The following STX3 variants were observed in gnomAD, a reference collection of about 807,000 sequenced individuals.
STX3 encodes syntaxin-3.
A neutral mutation model predicts 40.2 loss-of-function variants in STX3; 19 were observed. That is an observed-to-expected ratio of 0.47 (90% CI 0.33 to 0.69). The LOEUF (loss-of-function observed/expected upper bound fraction) is 0.69. Among genes scored for constraint, STX3 ranks in the 30% least tolerant of loss-of-function variants. STX3 has a pLI of 0.02. For missense variants in STX3, 364 were observed against 366.7 expected, an observed-to-expected ratio of 0.99 and a Z score of 0.06; for synonymous variants, 122 against 132.2, an observed-to-expected ratio of 0.92 and a Z score of 0.53.
chr11:59,798,757 ACCCGC>A (rs1259004146), intron 10 of STX3, among the ~76,000 whole-genome samples: 1 of 145,766 alleles, frequency 6.9e-6, no homozygotes. Flanking sequence ...CAGGTGATCC[ACCCGC>A]CTCGGCCTCC....
chr11:59,801,419 A>G lies in STX3; in HGVS notation c.*595A>G, dbSNP rs1865882664. On this transcript the variant is annotated 3_prime_UTR_variant, in exon 11 of 11. Transcript: ENST00000337979. ...CTTGTTTGAAATTCAGCCTTAAATT[A>G]AGCTCTTAGTTGTTCAGCTTGGGGG... is the stretch of plus-strand genomic sequence containing the variant. 2.0e-5 allele frequency: 20 copies of G among 987,108 alleles called. No individual in the cohort carries two copies. The highest frequency in any genetic ancestry group is 2.4e-5 in the Non-Finnish European group (20 of 830,974). The allele number at this position is 987,108 out of a possible 1,614,324, so 61.1% of individuals were successfully genotyped here.
chr11:59,765,561 T>C (rs919846453), intron 1 of STX3, among the ~76,000 whole-genome samples: 5 of 152,116 alleles, frequency 3.3e-5, no homozygotes, highest in African/African-American at 1.2e-4. Context: ...CCCAGCACTT[T>C]GGGAGACCGA....
intron 1 of STX3, among the ~76,000 whole-genome samples, 165 bp downstream of exon 1, chr11:59,755,800 C>G (rs1022168838): frequency 6.6e-6 from 1 of 152,248 alleles, no homozygotes; most frequent in Non-Finnish European, 1.5e-5. Flanking sequence ...CCTCCCCTCC[C>G]CTGCGGGGTC....
At position 59,803,371 on chromosome 11, in the gene STX3, A is replaced by T; in HGVS notation, c.*2547A>T. 1 of 991,024 alleles carries T rather than the reference A, an allele frequency of 1.0e-6. No homozygotes were observed. The highest frequency in any genetic ancestry group is 3.3e-5 in the East Asian group (1 of 30,590). The allele number at this position is 991,024 out of a possible 1,614,324, so 61.4% of individuals were successfully genotyped here. ...AACCTTTGTGTCTTGGGGGCACTCT[A>T]GGTGCCTTAATCTGGGTGGGATTAG... On this transcript the variant is annotated 3_prime_UTR_variant, in exon 11 of 11. Coordinates refer to ENST00000337979, the MANE Select transcript of STX3 (RefSeq NM_004177.5).
chr11:59,794,782 G>A (rs1235603077), intron 8 of STX3, among the ~76,000 whole-genome samples: 1 of 152,214 alleles, frequency 6.6e-6, no homozygotes, highest in Non-Finnish European at 1.5e-5. Context: ...TGTCTGGAAG[G>A]GAAAATATAA....
intron 1 of STX3, among the ~76,000 whole-genome samples, chr11:59,772,974 A>AAACACACACACACACACACACAC (rs1554996770): frequency 4.5e-4 from 63 of 140,676 alleles, no homozygotes; most frequent in African/African-American, 1.3e-3. Context: ...CCCTGAAAGA[A>AAACACACACACACACACACACAC]ACACACACAC....
intron 9 of STX3, 198 bp downstream of exon 9, chr11:59,795,680 A>C: frequency 2.0e-6 from 3 of 1,537,058 alleles, no homozygotes; most frequent in Non-Finnish European, 1.7e-6. Flanking sequence ...AGATACCAAA[A>C]AGGCTGTCAA....
intron 2 of STX3, among the ~76,000 whole-genome samples, chr11:59,775,021 C>T (rs570651479): frequency 4.8e-4 from 73 of 152,304 alleles, no homozygotes; most frequent in East Asian, 7.7e-4. Context: ...CAAGAAGTAT[C>T]GTGCTCTTTT....
intron 2 of STX3, among the ~76,000 whole-genome samples, chr11:59,782,097 C>A (rs754467659): frequency 6.6e-6 from 1 of 152,234 alleles, no homozygotes; most frequent in Non-Finnish European, 1.5e-5. Context: ...CTAGTACTTT[C>A]TCTGCTTTTC....
intron 2 of STX3, chr11:59,781,481 G>A: frequency 1.7e-5 from 28 of 1,613,562 alleles, no homozygotes; most frequent in Non-Finnish European, 2.4e-5. Context: ...GAGTTTTTCT[G>A]CCATCAGCTG....
Position 59,800,826 on chromosome 11 carries a change from G to T in STX3, c.*31-29G>T, listed in dbSNP as rs1022730644. On this transcript the variant is annotated intron_variant, in intron 10 of 10. Coordinates refer to ENST00000337979, the MANE Select transcript of STX3 (RefSeq NM_004177.5). ...GCCCTTTGCCTTCTTCCTGTGTACT[G>T]ATCAGCTCCTCCTTTCCCTGCCTCC... 1.4e-5 allele frequency: 22 copies of T among 1,536,300 alleles called. No individual in the cohort carries two copies. The Admixed American group carries it at 2.9e-4, about 21-fold the overall frequency.
chr11:59,791,322 G>C (rs1415962123), intron 5 of STX3, among the ~76,000 whole-genome samples: 1 of 152,178 alleles, frequency 6.6e-6, no homozygotes, highest in East Asian at 1.9e-4. Context: ...ATTTTTAGTA[G>C]ATAATGTAGT....
intron 1 of STX3, among the ~76,000 whole-genome samples, chr11:59,764,774 T>A (rs1329666636): frequency 6.6e-6 from 1 of 152,094 alleles, no homozygotes; most frequent in African/African-American, 2.4e-5. Flanking sequence ...ATTAAGCAGT[T>A]GTCTTATCTG....
At chr11:59,790,381 G>T (rs1865053798) in intron 4 of STX3, 138 bp from the exon 5 acceptor site, 4 of 675,600 alleles carry the variant, frequency 5.9e-6, no homozygotes. Flanking sequence ...TCATCTGGGA[G>T]CTGACCTTTT....
intron 1 of STX3, among the ~76,000 whole-genome samples, chr11:59,772,577 G>A (rs966210919): frequency 1.3e-5 from 2 of 152,290 alleles, no homozygotes; most frequent in Middle Eastern, 3.4e-3. Flanking sequence ...GTCCTTTGTA[G>A]GAATTGTGTC....
rs1208094870 is a variant in STX3, at chr11:59,805,193, CAAAAA to C, written c.*4377_*4381del. The stretch of plus-strand genomic sequence containing the variant: ...ATTCCATCTAAAAAAAAAAAAAAAA[CAAAAA>C]AAAAAAACTGTTCTTAATACTTAAT... On this transcript the variant is annotated 3_prime_UTR_variant, in exon 11 of 11. Coordinates refer to ENST00000337979, the MANE Select transcript of STX3 (RefSeq NM_004177.5). 1 of 115,814 alleles carries C rather than the reference CAAAAA, an allele frequency of 8.6e-6. No homozygotes were observed. The allele number at this position is 115,814 out of a possible 1,614,324, so 7.2% of individuals were successfully genotyped here.
chr11:59,769,413 C>T (rs908685671), intron 1 of STX3, among the ~76,000 whole-genome samples: 3 of 152,112 alleles, frequency 2.0e-5, no homozygotes, highest in East Asian at 1.9e-4. Flanking sequence ...TATGTGATCT[C>T]GTTCAGTCCT....
chr11:59,793,149 A>G lies in STX3; in HGVS notation c.517A>G (p.Asn173Asp). 6.2e-7 allele frequency: 1 copy of G among 1,613,552 alleles called. No individual in the cohort carries two copies. Among genetic ancestry groups the G allele is most frequent in the Non-Finnish European group, 8.5e-7 (1 of 1,179,986 alleles). Reference sequence around the variant, plus strand: ...GCTGGAGGAGATGTTGGAGAGTGGCAACCCGGCCATCTTCACTTCTGGGGT... The same window carrying G: ...GCTGGAGGAGATGTTGGAGAGTGGCGACCCGGCCATCTTCACTTCTGGGGT... ...EELEEMLESG[N>D]PAIFTSGIID... The change falls in exon 7 of 11, where the codon AAC (asparagine) becomes GAC (aspartate). Residue 173 changes from asparagine (N) to aspartate (D), a missense_variant. Transcript: ENST00000337979.
chr11:59,783,862 C>T, intron 2 of STX3, among the ~76,000 whole-genome samples: 1 of 152,210 alleles, frequency 6.6e-6, no homozygotes, highest in East Asian at 1.9e-4. Context: ...ATTTGGTGAA[C>T]TGACTAAATT....
Sources: allele counts gnomAD v4.1 joint callset (sites outside exome capture counted in the v4.1 genomes callset), GRCh38; gene constraint gnomAD v4.1.1; transcripts MANE v1.5; gene names NCBI Gene and HGNC (gene_info 2026-07-23, HGNC 2026-07-21).